Variants in ADGRL4 observed in about 807,000 individuals in gnomAD.
ADGRL4 encodes EGF, latrophilin and seven transmembrane domain containing 1.
In ADGRL4, 90 loss-of-function variants were observed where a neutral mutation model predicts 74.8. The observed-to-expected ratio is 1.20, with a 90% CI of 1.02 to 1.43. ADGRL4 has a LOEUF of 1.43. Among genes scored for constraint, ADGRL4 ranks in the 40% most tolerant of loss-of-function variants. The pLI is 0.00. For synonymous variants in ADGRL4, 311 were observed against 279.2 expected, an observed-to-expected ratio of 1.11 and a Z score of -1.14; for missense variants, 881 against 814.3, an observed-to-expected ratio of 1.08 and a Z score of -1.00.
intron 12 of ADGRL4, among the ~76,000 whole-genome samples, chr1:78,899,348 A>G (rs551181697): frequency 4.4e-4 from 67 of 152,174 alleles, no homozygotes; most frequent in African/African-American, 1.5e-3. Flanking sequence ...AGAAATGGCT[A>G]TGTATGTATG....
intron 2 of ADGRL4, among the ~76,000 whole-genome samples, chr1:78,989,035 C>T (rs7526408): frequency 0.44 from 67,033 of 151,332 alleles, 15,122 homozygotes; most frequent in Middle Eastern, 0.53. Flanking sequence ...TTTTAAGTAA[C>T]TAATTTCAGT....
At chr1:78,988,690 T>A (rs750979965) in intron 2 of ADGRL4, among the ~76,000 whole-genome samples, 1 of 151,838 alleles carries the variant, frequency 6.6e-6, no homozygotes, top group African/African-American at 2.4e-5. Flanking sequence ...CTCCTAGGCA[T>A]TGAAAATCCT....
chr1:78,947,273 A>G (rs1393083834), intron 2 of ADGRL4, among the ~76,000 whole-genome samples: 1 of 152,184 alleles, frequency 6.6e-6, no homozygotes, highest in Non-Finnish European at 1.5e-5. Flanking sequence ...GTTATTAAAG[A>G]AAAACAAGGT....
intron 7 of ADGRL4, among the ~76,000 whole-genome samples, chr1:78,929,973 T>A (rs1649203972): frequency 6.6e-6 from 1 of 151,498 alleles, no homozygotes; most frequent in Non-Finnish European, 1.5e-5. Context: ...TGTTCCTAAA[T>A]ACAAAATGTA....
At position 78,891,080 on chromosome 1, in the gene ADGRL4, T is replaced by A. The variant is rs746579033; in HGVS notation, c.*74A>T. ...AATAATTGGATAATTTGATGAGTCA[T>A]TTTTATACATTGGTCATCCACAGCT... On this transcript the variant is annotated 3_prime_UTR_variant, in exon 15 of 15. Coordinates refer to ENST00000370742, the MANE Select transcript of ADGRL4 (RefSeq NM_022159.4). 4 of 1,435,198 alleles carry A rather than the reference T, an allele frequency of 2.8e-6. No homozygotes were observed. Among genetic ancestry groups the A allele is most frequent in the Non-Finnish European group, 3.9e-6 (4 of 1,019,016 alleles). 88.9% of individuals were successfully genotyped at this position (1,435,198 alleles called of 1,614,324 possible).
intron 2 of ADGRL4, among the ~76,000 whole-genome samples, chr1:78,965,761 G>T (rs1650043126): frequency 6.6e-6 from 1 of 151,956 alleles, no homozygotes; most frequent in Admixed American, 6.6e-5. Flanking sequence ...AAATGACATT[G>T]CCCCCATTTT....
Position 78,972,139 on chromosome 1 carries a change from T to C in ADGRL4, c.173-25713A>G, listed in dbSNP as rs187427049. ...TACAAATAGTATGGATTATAAAGCA[T>C]GCTAACTTTTGAATAACTATGTGGG... On this transcript the variant is annotated intron_variant, in intron 2 of 14. Coordinates refer to ENST00000370742, the MANE Select transcript of ADGRL4 (RefSeq NM_022159.4). Among the ~76,000 whole-genome samples, 11 of 152,214 alleles carry C rather than the reference T, an allele frequency of 7.2e-5. No homozygotes were observed. The East Asian group carries it at 1.9e-3, about 27-fold the overall frequency.
At position 78,891,108 on chromosome 1, in the gene ADGRL4, G is replaced by A; in HGVS notation, c.*46C>T. ...TTATACATTGGTCATCCACAGCTTG[G>A]AATTTTTATTTTTGTGCAGTTGTAA... is the stretch of plus-strand genomic sequence containing the variant. On this transcript the variant is annotated 3_prime_UTR_variant, in exon 15 of 15. Coordinates refer to ENST00000370742, the MANE Select transcript of ADGRL4 (RefSeq NM_022159.4). 1 of 1,585,070 alleles carries A rather than the reference G, an allele frequency of 6.3e-7. No homozygotes were observed. Among genetic ancestry groups the A allele is most frequent in the Non-Finnish European group, 8.7e-7 (1 of 1,154,808 alleles).
chr1:78,951,152 T>G (rs1393420291), intron 2 of ADGRL4, among the ~76,000 whole-genome samples: 2 of 152,150 alleles, frequency 1.3e-5, no homozygotes, highest in Non-Finnish European at 2.9e-5. Context: ...TTGCTCTCCT[T>G]CTAACTCCCC....
At chr1:78,993,017 A>C (rs1378851234) in intron 2 of ADGRL4, among the ~76,000 whole-genome samples, 1 of 152,138 alleles carries the variant, frequency 6.6e-6, no homozygotes, top group African/African-American at 2.4e-5. Flanking sequence ...AAACATGTAA[A>C]TTTTAGTTGA....
chr1:78,907,625 C>T (rs145525243), intron 12 of ADGRL4, among the ~76,000 whole-genome samples: 35 of 151,892 alleles, frequency 2.3e-4, no homozygotes, highest in Admixed American at 9.9e-4. Context: ...ATGAATCAAG[C>T]GGGACTTTCC....
At chr1:78,912,192 G>A (rs1231999646) in intron 12 of ADGRL4, among the ~76,000 whole-genome samples, 1 of 151,794 alleles carries the variant, frequency 6.6e-6, no homozygotes, top group African/African-American at 2.4e-5. Flanking sequence ...TGAGTAAGAT[G>A]CGGTAAATAA....
intron 7 of ADGRL4, among the ~76,000 whole-genome samples, chr1:78,929,771 T>C (rs1187280987): frequency 6.6e-6 from 1 of 151,492 alleles, no homozygotes; most frequent in African/African-American, 2.5e-5. Flanking sequence ...CTTTCAAATG[T>C]CACTTTGTAC....
At chr1:78,915,827 G>A (rs1648858631) in intron 12 of ADGRL4, among the ~76,000 whole-genome samples, 1 of 151,870 alleles carries the variant, frequency 6.6e-6, no homozygotes, top group South Asian at 2.1e-4. Context: ...CATTAGCACA[G>A]AAGAACAAAG....
chr1:78,999,801 T>TATCC (rs1333324599), intron 2 of ADGRL4, among the ~76,000 whole-genome samples: 5 of 143,286 alleles, frequency 3.5e-5, no homozygotes, highest in Non-Finnish European at 7.6e-5. Context: ...TCTATCTATC[T>TATCC]ATCTATCTAT....
chr1:78,995,794 G>C lies in ADGRL4; in HGVS notation c.172+9276C>G, dbSNP rs181051983. Among the ~76,000 whole-genome samples, 4 of 152,300 alleles carry C rather than the reference G, an allele frequency of 2.6e-5. No individual in the cohort carries two copies. In the East Asian group the frequency reaches 7.7e-4, roughly 29 times the overall value. ...GCTCATTTTAGGGAAACTAAGGCTT[G>C]GATGCTCTTTGTGACTTACGATGGG... On this transcript the variant is annotated intron_variant, in intron 2 of 14. Coordinates refer to ENST00000370742, the MANE Select transcript of ADGRL4 (RefSeq NM_022159.4).
intron 2 of ADGRL4, among the ~76,000 whole-genome samples, chr1:78,967,019 G>C (rs560270441): frequency 6.6e-6 from 1 of 151,970 alleles, no homozygotes; most frequent in Non-Finnish European, 1.5e-5. Flanking sequence ...CGTTGTGTAC[G>C]TGACATCTGT....
chr1:78,946,548 C>A, intron 2 of ADGRL4, 122 bp from the exon 3 acceptor site: 2 of 753,930 alleles, frequency 2.7e-6, no homozygotes, highest in Non-Finnish European at 4.2e-6. Context: ...TTTATATCTA[C>A]AAACCTTAGT....
At chr1:78,976,326 T>G (rs1650279223) in intron 2 of ADGRL4, among the ~76,000 whole-genome samples, 1 of 151,992 alleles carries the variant, frequency 6.6e-6, no homozygotes, top group Non-Finnish European at 1.5e-5. Flanking sequence ...GCTTCTGTTC[T>G]CACAAACAAG....
Sources: allele counts gnomAD v4.1 joint callset (sites outside exome capture counted in the v4.1 genomes callset), GRCh38; gene constraint gnomAD v4.1.1; transcripts MANE v1.5; gene names NCBI Gene and HGNC (gene_info 2026-07-23, HGNC 2026-07-21).